UTP6: variants seen among roughly 807,000 people sequenced by gnomAD.
UTP6 encodes the protein U3 small nucleolar RNA-associated protein 6 homolog.
Under a neutral mutation model 96.5 loss-of-function variants are expected in UTP6, and 60 were observed. The ratio of observed to expected loss-of-function variants is 0.62; its 90% CI spans 0.51 to 0.77. UTP6 has a LOEUF of 0.77. UTP6 is among the 30% of genes least tolerant of loss of function. The pLI, the probability that UTP6 is intolerant of heterozygous loss-of-function variation, is 0.00. For synonymous variants in UTP6, 215 were observed against 240.1 expected (o/e 0.90, Z 0.96); for missense variants, 637 against 706.5 (o/e 0.90, Z 1.12).
At chr17:31,886,122 C>T (rs376557539) in intron 8 of UTP6, 61 bp from the exon 9 acceptor site, 275 of 1,419,424 alleles carry the variant, frequency 1.9e-4, no homozygotes, top group Non-Finnish European at 2.5e-4. Context: ...AGCACTAGGA[C>T]GAAAATTAAC....
chr17:31,892,696 G>A (rs1245181315), intron 5 of UTP6, 51 bp downstream of exon 5: 1 of 1,611,344 alleles, frequency 6.2e-7, no homozygotes. Flanking sequence ...TTAAAGGGCA[G>A]ATTAACAAAA....
At chr17:31,878,575 GGA>G in intron 12 of UTP6, 125 bp downstream of exon 12, 43 of 943,878 alleles carry the variant, frequency 4.6e-5, no homozygotes, top group Non-Finnish European at 6.2e-5. Flanking sequence ...TCACCCACAA[GGA>G]GAGAGAGAGT....
intron 1 of UTP6, among the ~76,000 whole-genome samples, chr17:31,900,520 G>C (rs1028572832): frequency 6.6e-6 from 1 of 152,084 alleles, no homozygotes; most frequent in East Asian, 1.9e-4. Context: ...TCGAACTCCT[G>C]ACCTCGTGAT....
intron 10 of UTP6, among the ~76,000 whole-genome samples, chr17:31,881,358 C>T (rs919491969): frequency 6.6e-6 from 1 of 151,174 alleles, no homozygotes; most frequent in Non-Finnish European, 1.5e-5. Flanking sequence ...CCCCCATCTC[C>T]TGGATTCAAG....
At chr17:31,880,455 G>T (rs1345207848) in intron 11 of UTP6, 118 bp downstream of exon 11, 9 of 1,169,796 alleles carry the variant, frequency 7.7e-6, no homozygotes, top group African/African-American at 1.6e-5. Flanking sequence ...CAGGCTCATC[G>T]TAAACTATGT....
Position 31,894,636 on chromosome 17 carries a change from A to T in UTP6, c.312+9T>A, listed in dbSNP as rs1377172564. On this transcript the variant is annotated intron_variant, in intron 4 of 18. Transcript: ENST00000261708. ...ATCTCATAAAGTTAAGGATGCCTTGATCACTCACTTTCCATTTTGCTGAGG... is the reference window on the plus strand; with the variant it reads ...ATCTCATAAAGTTAAGGATGCCTTGTTCACTCACTTTCCATTTTGCTGAGG... The T allele has an allele frequency of 6.3e-7, 1 of 1,591,002 alleles. No individual in the cohort carries two copies. The highest frequency in any genetic ancestry group is 8.6e-7 in the Non-Finnish European group (1 of 1,162,798).
At position 31,865,226 on chromosome 17, in the gene UTP6, T is replaced by TTG. The variant is rs1477960717; in HGVS notation, c.1636+139_1636+140insCA. ...CGGGGTTTCACCATATTGGCCAGGC[T>TTG]GGTCTCGAACTCCTGACCTCAGGTG... On this transcript the variant is annotated intron_variant, in intron 18 of 18. Transcript: ENST00000261708. 9.2e-4 allele frequency: 630 copies of TTG among 688,232 alleles called. 9 individuals are homozygous for TTG. Among genetic ancestry groups the TTG allele is most frequent in the Non-Finnish European group, 1.3e-3 (515 of 410,120 alleles). The allele number at this position is 688,232 out of a possible 1,614,324, so 42.6% of individuals were successfully genotyped here. A position where few individuals can be genotyped will look rare whatever the true frequency, so the allele number is the denominator to read the frequency against.
intron 16 of UTP6, among the ~76,000 whole-genome samples, chr17:31,870,494 T>TTG (rs1567777905): frequency 1.1e-4 from 17 of 150,918 alleles, no homozygotes; most frequent in East Asian, 5.8e-4. Context: ...GTTTTTTGTT[T>TTG]TTGTTGTTGT....
chr17:31,881,421 C>T lies in UTP6; in HGVS notation c.786-667G>A, dbSNP rs1219765865. Among the ~76,000 whole-genome samples the T allele has an allele frequency of 6.6e-5, 10 of 152,064 alleles. No individual in the cohort carries two copies. In the East Asian group the frequency reaches 1.8e-3, roughly 27 times the overall value. ...AGCTGGAATTACAGACGCATACCAC[C>T]ACGCCCAGCTAATTTTTGTATTTCT... On this transcript the variant is annotated intron_variant, in intron 10 of 18. Coordinates refer to ENST00000261708, the MANE Select transcript of UTP6 (RefSeq NM_018428.3).
At chr17:31,893,850 C>G (rs932195059) in intron 4 of UTP6, among the ~76,000 whole-genome samples, 6 of 152,110 alleles carry the variant, frequency 3.9e-5, no homozygotes, top group Middle Eastern at 3.4e-3. Context: ...TCAACCTTTC[C>G]CCCAACTCCC....
chr17:31,873,418 G>A lies in UTP6; in HGVS notation c.1456C>T (p.Arg486Ter), dbSNP rs773706341. ...LKNKYLDWAY[R>*]SGGYKKARAV... The stretch of plus-strand genomic sequence containing the variant: ...CTGGCCTTTTTGTAGCCACCACTTC[G>A]ATAAGCCCAATCCAGGTACTTATTC... Residue 486 changes from arginine (R) to a stop codon, truncating the protein, a stop_gained, in exon 16 of 19, where the codon CGA (arginine) becomes TGA (stop). Coordinates refer to ENST00000261708, the MANE Select transcript of UTP6 (RefSeq NM_018428.3). LOFTEE classifies it high-confidence loss of function. 4.2e-5 allele frequency: 68 copies of A among 1,613,988 alleles called. No individual in the cohort carries two copies. The highest frequency in any genetic ancestry group is 5.3e-5 in the Non-Finnish European group (63 of 1,180,042).
chr17:31,884,840 G>A, intron 9 of UTP6: 1 of 196,720 alleles, frequency 5.1e-6, no homozygotes, highest in East Asian at 1.4e-4. Flanking sequence ...GATCACTTGA[G>A]CTCAGGAGTT....
intron 5 of UTP6, among the ~76,000 whole-genome samples, 186 bp from the exon 6 acceptor site, chr17:31,892,509 A>C (rs1438131646): frequency 6.6e-6 from 1 of 152,242 alleles, no homozygotes; most frequent in African/African-American, 2.4e-5. Context: ...TAAACACTTT[A>C]AATATCTTTT....
At chr17:31,886,407 T>C (rs1012194034) in intron 8 of UTP6, among the ~76,000 whole-genome samples, 1 of 152,222 alleles carries the variant, frequency 6.6e-6, no homozygotes, top group Non-Finnish European at 1.5e-5. Context: ...CTCATGCCTA[T>C]AATCCTAGCA....
chr17:31,870,519 T>A (rs553568531), intron 16 of UTP6, among the ~76,000 whole-genome samples: 155 of 151,242 alleles, frequency 1.0e-3, no homozygotes, highest in African/African-American at 3.2e-3. Context: ...GTTTTGGTTT[T>A]TTTTTTTGGT....
chr17:31,869,094 G>A (rs1177066326), intron 16 of UTP6, among the ~76,000 whole-genome samples: 1 of 152,156 alleles, frequency 6.6e-6, no homozygotes, highest in Admixed American at 6.6e-5. Flanking sequence ...CTGGGTGACA[G>A]AGTGAGACTC....
chr17:31,875,549 G>T (rs890131151), intron 13 of UTP6, 136 bp from the exon 14 acceptor site: 6 of 1,047,464 alleles, frequency 5.7e-6, no homozygotes, highest in Admixed American at 5.8e-5. Context: ...AAGAGGCCAG[G>T]TGTGGTGGCT....
In UTP6 at chr17:31,880,654, G is replaced by C. The variant is rs1910775862; in HGVS notation, c.886C>G (p.Gln296Glu). The change falls in exon 11 of 19, where the codon CAA becomes GAA. Residue 296 changes from glutamine (Q) to glutamate (E), a missense_variant. Transcript: ENST00000261708. ...CGGCCGACCTCCACTGCTTTGGCTT[G>C]TTTCGTTGTAGGCTGCTCTTCTGTC... The part of the protein sequence containing the change: ...SQTEEQPTTK[Q>E]AKAVEVGRKE... 1 of 1,614,104 alleles carries C rather than the reference G, an allele frequency of 6.2e-7. No homozygotes were observed. The highest frequency in any genetic ancestry group is 1.7e-5 in the Admixed American group (1 of 59,986).
Position 31,892,406 on chromosome 17 carries a change from C to T in UTP6, c.361-83G>A, listed in dbSNP as rs1297687890. The T allele has an allele frequency of 3.6e-6, 5 of 1,370,092 alleles. No individual in the cohort carries two copies. In the African/African-American group the frequency reaches 7.2e-5, roughly 20 times the overall value. The allele number at this position is 1,370,092 out of a possible 1,614,324, so 84.9% of individuals were successfully genotyped here. On this transcript the variant is annotated intron_variant, in intron 5 of 18. Coordinates refer to ENST00000261708, the MANE Select transcript of UTP6 (RefSeq NM_018428.3). ...CTAAGTAATATGTACCCTAACTTTA[C>T]CAACTGTAAAATCCAATGGAGCATG... is the stretch of plus-strand genomic sequence containing the variant.
Sources: gnomAD v4.1 joint callset for allele counts (sites outside exome capture counted in the v4.1 genomes callset) on GRCh38, gnomAD v4.1.1 for gene constraint, MANE v1.5 for transcripts, NCBI Gene and HGNC (gene_info 2026-07-23, HGNC 2026-07-21) for gene names.